Variants in PCDH15 observed in about 807,000 individuals in gnomAD.
PCDH15 encodes protocadherin related 15.
PCDH15 carries 129 observed loss-of-function variants against 178.5 expected under a neutral mutation model. That is an observed-to-expected ratio of 0.72 (90% CI 0.63 to 0.84). The LOEUF is 0.84. Among genes scored for constraint, PCDH15 ranks in the 40% least tolerant of loss-of-function variants. PCDH15 has a pLI of 0.00. For missense variants in PCDH15, 2,230 were observed against 2,099.9 expected (o/e 1.06, Z -1.21); for synonymous variants, 800 against 732.0 (o/e 1.09, Z -1.50).
chr10:55,555,616 T>A (rs776141900), intron 2 of PCDH15, among the ~76,000 whole-genome samples: 2 of 152,094 alleles, frequency 1.3e-5, no homozygotes, highest in Non-Finnish European at 2.9e-5. Context: ...ACGGACTAGA[T>A]TTAAAATTAA....
intron 16 of PCDH15, among the ~76,000 whole-genome samples, chr10:54,087,577 C>T (rs1244528331): frequency 2.0e-5 from 3 of 152,190 alleles, no homozygotes; most frequent in Admixed American, 6.5e-5. Context: ...CTTGTTTCCA[C>T]TTTTGTACCA....
intron 1 of PCDH15, among the ~76,000 whole-genome samples, chr10:54,732,168 C>T (rs1943496232): frequency 6.6e-6 from 1 of 151,098 alleles, no homozygotes; most frequent in Admixed American, 6.6e-5. Context: ...CAGTAGAATA[C>T]AGAGAGCATG....
chr10:54,378,809 G>C lies in PCDH15; in HGVS notation c.291C>G (p.Asn97Lys), dbSNP rs201924323. Residue 97 changes from asparagine to lysine, a missense_variant, in exon 4 of 38, where the codon AAC becomes AAG. Asn to Lys is a moderately conservative substitution (Grantham distance 94, BLOSUM62 0). Coordinates refer to ENST00000644397, the MANE Select transcript of PCDH15 (RefSeq NM_001384140.1). ...CTCTATCCAGAACTCTTCCGGTGCT[G>C]TTCAGGAAAAGCATTTGCTTAACAG... ...MDPVKQMLFL[N>K]STGRVLDRDP... The C allele has an allele frequency of 6.2e-7, 1 of 1,613,796 alleles. No homozygotes were observed. The highest frequency in any genetic ancestry group is 2.2e-5 in the East Asian group (1 of 44,858).
chr10:54,173,781 G>C (rs1387215501), intron 13 of PCDH15, among the ~76,000 whole-genome samples: 1 of 152,130 alleles, frequency 6.6e-6, no homozygotes, highest in Non-Finnish European at 1.5e-5. Context: ...ATAATTAAGT[G>C]AGAGAAACAG....
At chr10:54,623,310 T>C (rs937931143) in intron 2 of PCDH15, among the ~76,000 whole-genome samples, 1 of 152,136 alleles carries the variant, frequency 6.6e-6, no homozygotes, top group Non-Finnish European at 1.5e-5. Context: ...TAGACAGTGT[T>C]ATGCAAATTA....
chr10:54,864,284 G>T (rs1953897173), intron 3 of PCDH15, among the ~76,000 whole-genome samples: 1 of 152,066 alleles, frequency 6.6e-6, no homozygotes. Context: ...TGGAAAGCAG[G>T]ATAAAGTAGA....
At chr10:55,312,869 G>A (rs1488982272) in intron 1 of PCDH15, among the ~76,000 whole-genome samples, 4 of 152,040 alleles carry the variant, frequency 2.6e-5, no homozygotes, top group South Asian at 2.1e-4. Flanking sequence ...CACCCGCCTC[G>A]GCCTCCCAAA....
At chr10:54,437,878 CT>C (rs946784080) in intron 3 of PCDH15, among the ~76,000 whole-genome samples, 2 of 152,098 alleles carry the variant, frequency 1.3e-5, no homozygotes, top group Non-Finnish European at 2.9e-5. Flanking sequence ...TGAAGAAATA[CT>C]TTTTTTGTTC....
At chr10:54,521,546 C>T (rs1233503313) in intron 3 of PCDH15, among the ~76,000 whole-genome samples, 1 of 151,942 alleles carries the variant, frequency 6.6e-6, no homozygotes, top group African/African-American at 2.4e-5. Context: ...TTGAATCTTC[C>T]CTCTTTATTA....
chr10:53,851,528 T>C (rs909020059), intron 28 of PCDH15, among the ~76,000 whole-genome samples: 1 of 151,206 alleles, frequency 6.6e-6, no homozygotes, highest in Non-Finnish European at 1.5e-5. Context: ...GTCTGGGAAA[T>C]GAGCCTAGGT....
At chr10:54,889,603 GAA>G (rs1165457199) in intron 3 of PCDH15, among the ~76,000 whole-genome samples, 1 of 150,222 alleles carries the variant, frequency 6.7e-6, no homozygotes, top group African/African-American at 2.4e-5. Context: ...ATCCACACAT[GAA>G]AAAGTCTTCT....
intron 31 of PCDH15, among the ~76,000 whole-genome samples, chr10:53,828,238 A>AAAAAAAAAAAAAAAAAAAG (rs2076819929): frequency 7.0e-6 from 1 of 142,940 alleles, no homozygotes; most frequent in African/African-American, 2.7e-5. Flanking sequence ...AAAAAAAAAA[A>AAAAAAAAAAAAAAAAAAAG]AAATTCCTAG....
intron 2 of PCDH15, among the ~76,000 whole-genome samples, chr10:55,026,140 T>C (rs150671357): frequency 6.6e-6 from 1 of 152,102 alleles, no homozygotes; most frequent in African/African-American, 2.4e-5. Context: ...GTCATTTCAA[T>C]ATTTTCCACA....
chr10:55,111,368 A>C lies in PCDH15; in HGVS notation c.-80+55208T>G, dbSNP rs190329135. 8.5e-5 allele frequency among the ~76,000 whole-genome samples: 13 copies of C among 152,330 alleles called. No homozygotes were observed. The East Asian group carries it at 2.5e-3, about 29-fold the overall frequency. ...TTTCTTTTAATTAGCACAAATGAAC[A>C]AAATAAATTTGTCTTCTGAATTTAC... On this transcript the variant is annotated intron_variant, in intron 2 of 5. Transcript: ENST00000458638.
At chr10:54,433,152 G>A (rs1957151529) in intron 3 of PCDH15, among the ~76,000 whole-genome samples, 1 of 152,142 alleles carries the variant, frequency 6.6e-6, no homozygotes, top group African/African-American at 2.4e-5. Flanking sequence ...ACTATGGAGA[G>A]CAGTTTAGAG....
intron 15 of PCDH15, among the ~76,000 whole-genome samples, chr10:54,116,732 G>C (rs1266362939): frequency 2.6e-5 from 4 of 152,196 alleles, no homozygotes; most frequent in Non-Finnish European, 4.4e-5. Context: ...ATTCTGCAAA[G>C]TGATTATGGA....
intron 2 of PCDH15, among the ~76,000 whole-genome samples, chr10:54,550,163 T>C (rs1002865573): frequency 6.6e-6 from 1 of 152,178 alleles, no homozygotes; most frequent in Non-Finnish European, 1.5e-5. Context: ...TCTTTTTCCA[T>C]GTTATCACCA....
chr10:55,275,718 T>G (rs1311411522), intron 1 of PCDH15, among the ~76,000 whole-genome samples: 1 of 150,930 alleles, frequency 6.6e-6, no homozygotes, highest in Non-Finnish European at 1.5e-5. Context: ...TTTTTTTTTT[T>G]CCTGTAGAGT....
intron 2 of PCDH15, among the ~76,000 whole-genome samples, chr10:54,656,582 T>G (rs903066940): frequency 8.5e-5 from 13 of 152,174 alleles, no homozygotes; most frequent in African/African-American, 2.4e-4. Context: ...CTGCTGTGCC[T>G]GTAGAACCTC....
Sources: allele counts gnomAD v4.1 joint callset (sites outside exome capture counted in the v4.1 genomes callset), GRCh38; gene constraint gnomAD v4.1.1; transcripts MANE v1.5; gene names NCBI Gene and HGNC (gene_info 2026-07-23, HGNC 2026-07-21).